FIG4: variants seen among roughly 807,000 people sequenced by gnomAD.
FIG4 encodes polyphosphoinositide phosphatase.
In FIG4, 112 loss-of-function variants were observed where a neutral mutation model predicts 118.6. The ratio of observed to expected loss-of-function variants is 0.94; its 90% CI spans 0.81 to 1.11. The LOEUF (loss-of-function observed/expected upper bound fraction) is 1.11. Ranked by LOEUF, FIG4 falls within the 50% of genes least tolerant of loss-of-function variation. The pLI, the probability that FIG4 is intolerant of heterozygous loss-of-function variation, is 0.00. For missense variants in FIG4, 969 were observed against 1,111.7 expected, an observed-to-expected ratio of 0.87 and a Z score of 1.83; for synonymous variants, 369 against 381.2, an observed-to-expected ratio of 0.97 and a Z score of 0.37.
intron 10 of FIG4, among the ~76,000 whole-genome samples, chr6:109,744,378 A>T (rs2128387196): frequency 6.6e-6 from 1 of 152,244 alleles, no homozygotes; most frequent in Non-Finnish European, 1.5e-5. Context: ...GGCTGAGGAT[A>T]GGAGGCAGGG....
chr6:109,694,363 G>A (rs1171252354), intron 1 of FIG4, among the ~76,000 whole-genome samples: 1 of 152,174 alleles, frequency 6.6e-6, no homozygotes, highest in Non-Finnish European at 1.5e-5. Context: ...TCAATAAATG[G>A]TGTTGAGAAA....
intron 22 of FIG4, among the ~76,000 whole-genome samples, chr6:109,815,495 G>GCCCCCCCCCCCCCC (rs112617514): frequency 3.0e-4 from 27 of 89,140 alleles, no homozygotes; most frequent in South Asian, 7.7e-4. Flanking sequence ...ACTCCAGGCT[G>GCCCCCCCCCCCCCC]CCCCCCCCAC....
intron 6 of FIG4, 64 bp from the exon 7 acceptor site, chr6:109,738,260 CT>C (rs1422854013): frequency 6.1e-5 from 85 of 1,395,304 alleles, no homozygotes; most frequent in Non-Finnish European, 7.7e-5. Flanking sequence ...TGATACCAAC[CT>C]TTTTTTTAAT....
intron 10 of FIG4, among the ~76,000 whole-genome samples, chr6:109,750,436 G>A (rs1776654312): frequency 6.6e-6 from 1 of 152,218 alleles, no homozygotes; most frequent in Admixed American, 6.5e-5. Context: ...GAGTCTGAGA[G>A]CAGACTGGGC....
At chr6:109,698,388 T>C (rs1222193347) in intron 1 of FIG4, among the ~76,000 whole-genome samples, 2 of 152,188 alleles carry the variant, frequency 1.3e-5, no homozygotes, top group Non-Finnish European at 2.9e-5. Flanking sequence ...CCTGTTGGGA[T>C]TGTGATTTGA....
chr6:109,706,512 G>T (rs1055477624), intron 1 of FIG4, among the ~76,000 whole-genome samples: 5 of 152,252 alleles, frequency 3.3e-5, no homozygotes, highest in African/African-American at 1.2e-4. Context: ...TAACAGATTG[G>T]CGCATTTTCC....
chr6:109,715,684 G>A (rs997786427), intron 2 of FIG4, among the ~76,000 whole-genome samples: 19 of 152,232 alleles, frequency 1.2e-4, no homozygotes, highest in African/African-American at 4.6e-4. Context: ...GAATACAGAG[G>A]CTGGAATTCA....
rs996996501 is a variant in FIG4 at position 109,691,512 on chromosome 6, C to A, written c.66+11C>A. 2.5e-6 allele frequency: 4 copies of A among 1,569,610 alleles called. No homozygotes were observed. Among genetic ancestry groups the A allele is most frequent in the Admixed American group, 1.9e-5 (1 of 53,536 alleles). On this transcript the variant is annotated intron_variant, in intron 1 of 22. Coordinates refer to ENST00000230124, the MANE Select transcript of FIG4 (RefSeq NM_014845.6). Reference sequence around the variant, plus strand: ...TATGAGACTAGAGCTGTGAGTACCCCCTCGCGGCGGGGCGCAGGCGGGAGG... The same window carrying A: ...TATGAGACTAGAGCTGTGAGTACCCACTCGCGGCGGGGCGCAGGCGGGAGG...
chr6:109,796,861 A>G lies in FIG4; in HGVS notation c.2546+10A>G, dbSNP rs1778302813. 6.8e-7 allele frequency: 1 copy of G among 1,462,494 alleles called. No homozygotes were observed. Among genetic ancestry groups the G allele is most frequent in the Non-Finnish European group, 9.6e-7 (1 of 1,041,332 alleles). The allele number at this position is 1,462,494 out of a possible 1,614,324, so 90.6% of individuals were successfully genotyped here. ...ATGGAGTTATAAAACTGTAAGTACT[A>G]GATTAGATCTTTAAAGAAATCTTTG... On this transcript the variant is annotated intron_variant, in intron 22 of 22. Coordinates refer to ENST00000230124, the MANE Select transcript of FIG4 (RefSeq NM_014845.6).
At position 109,780,366 on chromosome 6, in the gene FIG4, C is replaced by G. The variant is rs140360275; in HGVS notation, c.1889+3306C>G. On this transcript the variant is annotated intron_variant, in intron 16 of 22. Coordinates refer to ENST00000230124, the MANE Select transcript of FIG4 (RefSeq NM_014845.6). ...TAGCTAGGACCACAGGTGGACACCA[C>G]CACACCCAGCTAATTTTTGTATTTT... Among the ~76,000 whole-genome samples, 181 of 152,204 alleles carry G rather than the reference C, an allele frequency of 1.2e-3. 1 individual carries two copies. The highest frequency in any genetic ancestry group is 4.1e-3 in the African/African-American group (172 of 41,522).
rs73523051 is a variant in FIG4, at chr6:109,750,394, G to A, written c.1137+6622G>A. ...CTCATGCCTATAATCCCAGTGACCT[G>A]GGAAACAGGCGGGAGGCTTGCATGA... is the stretch of plus-strand genomic sequence containing the variant. On this transcript the variant is annotated intron_variant, in intron 10 of 22. Coordinates refer to ENST00000230124, the MANE Select transcript of FIG4 (RefSeq NM_014845.6). 8.0e-3 allele frequency among the ~76,000 whole-genome samples: 1,220 copies of A among 152,294 alleles called. 26 individuals carry two copies. Among genetic ancestry groups the A allele is most frequent in the African/African-American group, 0.026 (1,082 of 41,554 alleles).
At chr6:109,695,579 T>TACACACACACACACACACACACAG (rs57747347) in intron 1 of FIG4, among the ~76,000 whole-genome samples, 1 of 148,732 alleles carries the variant, frequency 6.7e-6, no homozygotes, top group Non-Finnish European at 1.5e-5. Flanking sequence ...ATGCAGTGAA[T>TACACACACACACACACACACACAG]ACACACACAC....
chr6:109,800,684 G>A (rs1029096129), intron 22 of FIG4, among the ~76,000 whole-genome samples: 17 of 152,250 alleles, frequency 1.1e-4, no homozygotes, highest in Admixed American at 6.5e-4. Context: ...CCTGGTTGAG[G>A]CCCCATGAGC....
chr6:109,751,487 T>C (rs1297892275), intron 10 of FIG4, among the ~76,000 whole-genome samples: 1 of 152,212 alleles, frequency 6.6e-6, no homozygotes, highest in Non-Finnish European at 1.5e-5. Flanking sequence ...TCAGAAGGAA[T>C]GGTACCAGCT....
At chr6:109,802,331 A>G (rs1778448671) in intron 22 of FIG4, among the ~76,000 whole-genome samples, 1 of 152,172 alleles carries the variant, frequency 6.6e-6, no homozygotes. Context: ...CTAAAAAAAT[A>G]CAGTAATTAC....
chr6:109,823,890 CAG>C (rs909472370), intron 22 of FIG4, among the ~76,000 whole-genome samples: 6 of 152,206 alleles, frequency 3.9e-5, no homozygotes, highest in Non-Finnish European at 8.8e-5. Flanking sequence ...AGCCAAGTAG[CAG>C]AGTGTGTTGT....
intron 21 of FIG4, among the ~76,000 whole-genome samples, chr6:109,796,218 G>A (rs1201684878): frequency 6.6e-6 from 1 of 152,222 alleles, no homozygotes; most frequent in Admixed American, 6.5e-5. Flanking sequence ...GTTCCTCTTT[G>A]AAGTGGCTAG....
intron 12 of FIG4, among the ~76,000 whole-genome samples, chr6:109,763,550 T>G (rs552714682): frequency 6.6e-6 from 1 of 152,090 alleles, no homozygotes; most frequent in Non-Finnish European, 1.5e-5. Flanking sequence ...TAATGTTGAG[T>G]TGGGAAGGCT....
At chr6:109,693,145 T>TG (rs11446875) in intron 1 of FIG4, among the ~76,000 whole-genome samples, 119,957 of 152,070 alleles carry the variant, frequency 0.79, 47,460 homozygotes, top group African/African-American at 0.86. Flanking sequence ...ATCCCTTAGT[T>TG]GGCATTCAAA....
Sources: allele counts gnomAD v4.1 joint callset (sites outside exome capture counted in the v4.1 genomes callset), GRCh38; gene constraint gnomAD v4.1.1; transcripts MANE v1.5; gene names NCBI Gene and HGNC (gene_info 2026-07-23, HGNC 2026-07-21).